LYRM4: variants seen among roughly 807,000 people sequenced by gnomAD.
LYRM4 encodes LYR motif-containing protein 4.
In LYRM4, 9 loss-of-function variants were observed where a neutral mutation model predicts 11.7. The ratio of observed to expected loss-of-function variants is 0.77; its 90% CI spans 0.46 to 1.34. The LOEUF is 1.34. LYRM4 is among the 40% of genes most tolerant of loss of function. The probability of loss-of-function intolerance (pLI) is 0.00; values close to 1 mark genes in which losing one functional copy is unlikely to be tolerated. For synonymous variants in LYRM4, 42 were observed against 40.4 expected (o/e 1.04, Z -0.15); for missense variants, 133 against 112.5 (o/e 1.18, Z -0.82).
At chr6:5,257,603 G>A (rs145985245) in intron 1 of LYRM4, among the ~76,000 whole-genome samples, 123 of 152,292 alleles carry the variant, frequency 8.1e-4, no homozygotes, top group African/African-American at 2.7e-3. Context: ...GGGTGAGTGC[G>A]CATTATGGCC....
intron 2 of LYRM4, chr6:5,137,012 C>T (rs1176501912): frequency 1.6e-5 from 4 of 247,302 alleles, no homozygotes; most frequent in Non-Finnish European, 2.6e-5. Flanking sequence ...CCTCTCTAGC[C>T]CCTGGCAACC....
chr6:5,086,616 G>T, the LYRM4 span: 1 of 1,371,118 alleles, frequency 7.3e-7, no homozygotes, highest in South Asian at 1.5e-5. Flanking sequence ...CGTGGAGCTC[G>T]GGCTGCCGCC....
chr6:5,072,499 A>T, the LYRM4 span, among the ~76,000 whole-genome samples: 3 of 151,282 alleles, frequency 2.0e-5, no homozygotes, highest in African/African-American at 7.3e-5. Flanking sequence ...TTGTTTTTTG[A>T]CTTTGTAATA....
chr6:5,167,718 C>T (rs1397485755), intron 2 of LYRM4, among the ~76,000 whole-genome samples: 1 of 152,134 alleles, frequency 6.6e-6, no homozygotes, highest in Admixed American at 6.5e-5. Flanking sequence ...TCTTCATGGA[C>T]AGGAAGTCCC....
chr6:5,258,083 G>C (rs533154619), intron 1 of LYRM4, among the ~76,000 whole-genome samples: 3 of 152,324 alleles, frequency 2.0e-5, no homozygotes, highest in Admixed American at 1.3e-4. Flanking sequence ...AACAGTACTT[G>C]TAAAGGCCTG....
chr6:5,068,576 A>C, the LYRM4 span, among the ~76,000 whole-genome samples: 7 of 152,158 alleles, frequency 4.6e-5, no homozygotes, highest in Non-Finnish European at 4.4e-5. The surrounding 1 kb of genome is among the most constrained non-coding windows in gnomAD (Gnocchi z 4.0). Flanking sequence ...TCCACGCCGC[A>C]GCCCTTCCAA....
At chr6:5,053,402 A>G in the LYRM4 span, among the ~76,000 whole-genome samples, 1 of 152,076 alleles carries the variant, frequency 6.6e-6, no homozygotes, top group Non-Finnish European at 1.5e-5. Flanking sequence ...GGGGCTGGGG[A>G]GCAAGGAGAG....
chr6:5,143,194 C>T (rs1160607686), intron 2 of LYRM4, among the ~76,000 whole-genome samples: 1 of 152,246 alleles, frequency 6.6e-6, no homozygotes, highest in Non-Finnish European at 1.5e-5. Flanking sequence ...GCCAAGCCTG[C>T]ACCACAAGCG....
intron 2 of LYRM4, among the ~76,000 whole-genome samples, chr6:5,152,541 G>A (rs1758147962): frequency 6.6e-6 from 1 of 152,166 alleles, no homozygotes; most frequent in Non-Finnish European, 1.5e-5. Flanking sequence ...GGCATGGCTG[G>A]TGGAGGCAAA....
chr6:5,245,098 AAAAAAAAAAAAAAAAATATAT>A (rs1764082678), intron 1 of LYRM4, among the ~76,000 whole-genome samples: 1 of 43,262 alleles, frequency 2.3e-5, no homozygotes, highest in Non-Finnish European at 4.2e-5. Flanking sequence ...TTAAAAAAAA[AAAAAAAAAAAAAAAAATATAT>A]ATATATATAT....
intron 2 of LYRM4, among the ~76,000 whole-genome samples, chr6:5,173,294 C>CA (rs1759534080): frequency 6.6e-6 from 1 of 152,208 alleles, no homozygotes; most frequent in Admixed American, 6.5e-5. Context: ...CTGTTATGCT[C>CA]ACTATACATG....
downstream of LYRM4, among the ~76,000 whole-genome samples, chr6:5,101,043 T>G (rs1483928868): frequency 6.6e-6 from 1 of 152,156 alleles, no homozygotes; most frequent in African/African-American, 2.4e-5. Flanking sequence ...GTGGCCACTC[T>G]GTGTATCTCT....
At chr6:5,036,202 A>C in the LYRM4 span, among the ~76,000 whole-genome samples, 1 of 152,160 alleles carries the variant, frequency 6.6e-6, no homozygotes, top group African/African-American at 2.4e-5. Flanking sequence ...ACTCCAGCTT[A>C]ATCCAAATTG....
chr6:5,196,698 T>C (rs1222649520), intron 2 of LYRM4, among the ~76,000 whole-genome samples: 3 of 152,216 alleles, frequency 2.0e-5, no homozygotes, highest in African/African-American at 7.2e-5. Context: ...GCTTGGGAAA[T>C]AGCTTTTTTC....
At chr6:5,117,170 G>A (rs1254702956) in intron 2 of LYRM4, among the ~76,000 whole-genome samples, 2 of 152,334 alleles carry the variant, frequency 1.3e-5, no homozygotes, top group East Asian at 1.9e-4. Flanking sequence ...ACGCTACTGG[G>A]AGGATTAAAC....
the LYRM4 span, chr6:5,032,853 A>G: frequency 7.6e-3 from 1,152 of 151,722 alleles, 16 homozygotes; most frequent in African/African-American, 0.026. Flanking sequence ...CACCCCGGCC[A>G]CTCCCTCCTG....
At chr6:5,222,052 G>T (rs972874878) in intron 1 of LYRM4, among the ~76,000 whole-genome samples, 6 of 152,170 alleles carry the variant, frequency 3.9e-5, no homozygotes, top group Non-Finnish European at 5.9e-5. Flanking sequence ...TCATTTGAAG[G>T]TCACACGGAC....
chr6:5,071,455 C>T, the LYRM4 span, among the ~76,000 whole-genome samples: 24 of 152,082 alleles, frequency 1.6e-4, 1 homozygote, highest in South Asian at 3.9e-3. Context: ...GCTGGGACTC[C>T]GGTGGGGTGA....
chr6:5,052,871 G>A, the LYRM4 span, among the ~76,000 whole-genome samples: 1 of 152,148 alleles, frequency 6.6e-6, no homozygotes, highest in African/African-American at 2.4e-5. Flanking sequence ...TTTTGAGGAG[G>A]AGCATGTACA....
Sources: gnomAD v4.1 joint callset for allele counts (sites outside exome capture counted in the v4.1 genomes callset) on GRCh38, gnomAD v4.1.1 for gene constraint, Gnocchi (gnomAD v3.1) non-coding constraint, MANE v1.5 for transcripts, NCBI Gene and HGNC (gene_info 2026-07-23, HGNC 2026-07-21) for gene names.